Variants in TMCO5A observed in about 807,000 individuals in gnomAD.
The protein encoded by TMCO5A is transmembrane and coiled-coil domain-containing protein 5A.
TMCO5A carries 34 observed loss-of-function variants against 42.3 expected under a neutral mutation model. That is an observed-to-expected ratio of 0.80 (90% CI 0.61 to 1.07). The LOEUF is 1.07. TMCO5A is among the 50% of genes least tolerant of loss of function. TMCO5A has a pLI of 0.00. For synonymous variants in TMCO5A, 131 were observed against 115.6 expected (o/e 1.13, Z -0.86); for missense variants, 357 against 327.9 (o/e 1.09, Z -0.69).
chr15:37,962,250 C>T (rs1001727436), intron 11 of TMCO5A, among the ~76,000 whole-genome samples: 1 of 151,886 alleles, frequency 6.6e-6, no homozygotes, highest in Non-Finnish European at 1.5e-5. Flanking sequence ...AATCATAAAG[C>T]GATGCTGTAT....
At chr15:37,945,895 TTTGCTTTTGTTGCAA>T (rs920122008) in intron 10 of TMCO5A, among the ~76,000 whole-genome samples, 4 of 152,176 alleles carry the variant, frequency 2.6e-5, no homozygotes, top group African/African-American at 7.2e-5. Context: ...CTTGTCTAAT[TTTGCTTTTGTTGCAA>T]TTGCTTTTGG....
In TMCO5A at chr15:37,941,175, C is replaced by A. The variant is rs140698335; in HGVS notation, c.414C>A (p.Ser138=). 3.3e-4 allele frequency: 534 copies of A among 1,613,162 alleles called. 5 individuals are homozygous for A. In the East Asian group the frequency reaches 6.9e-3, roughly 21 times the overall value. The change falls in exon 7 of 12, where the codon TCC becomes TCA. Residue 138 remains serine (S), a synonymous_variant. Transcript: ENST00000319669. ...TKVKLQQLEA[S]YACQEKELLK... Reference sequence around the variant, plus strand: ...TTAAGTTACAACAGCTGGAAGCTTCCTATGCATGCCAAGAGAAGGAGCTGC... The same window carrying A: ...TTAAGTTACAACAGCTGGAAGCTTCATATGCATGCCAAGAGAAGGAGCTGC...
At chr15:37,967,731 A>G (rs1476999145), downstream of TMCO5A, 1 of 152,220 alleles carries the variant, frequency 6.6e-6, no homozygotes, top group Non-Finnish European at 1.5e-5. Context: ...AATTAAAAAA[A>G]CTGGATATAT....
At chr15:38,022,250 A>C in the TMCO5A span, among the ~76,000 whole-genome samples, 1 of 152,242 alleles carries the variant, frequency 6.6e-6, no homozygotes, top group Non-Finnish European at 1.5e-5. Flanking sequence ...TTTGGAAGCA[A>C]CCAAGATGGC....
intron 11 of TMCO5A, among the ~76,000 whole-genome samples, chr15:37,950,719 G>A (rs1007279326): frequency 6.6e-6 from 1 of 152,090 alleles, no homozygotes; most frequent in Non-Finnish European, 1.5e-5. Flanking sequence ...CCTTGCTAGA[G>A]GGTTATAAGC....
chr15:37,973,676 T>TG, the TMCO5A span, among the ~76,000 whole-genome samples: 2 of 152,176 alleles, frequency 1.3e-5, no homozygotes, highest in Admixed American at 6.5e-5. Context: ...GCTGAGACTA[T>TG]GGGGTTTTCC....
chr15:37,969,582 G>A (rs1890634440), downstream of TMCO5A, among the ~76,000 whole-genome samples: 1 of 152,126 alleles, frequency 6.6e-6, no homozygotes, highest in Non-Finnish European at 1.5e-5. Flanking sequence ...AGGTTCAGGG[G>A]TACATGTGCT....
At chr15:37,970,247 T>A (rs1217589795), downstream of TMCO5A, among the ~76,000 whole-genome samples, 4 of 152,178 alleles carry the variant, frequency 2.6e-5, no homozygotes, top group African/African-American at 9.6e-5. Flanking sequence ...GGCCTCACAA[T>A]CATAATGGAA....
At chr15:38,013,752 A>G in the TMCO5A span, among the ~76,000 whole-genome samples, 1 of 152,210 alleles carries the variant, frequency 6.6e-6, no homozygotes, top group Non-Finnish European at 1.5e-5. Flanking sequence ...ACCAATCACT[A>G]AGATAATCTG....
At chr15:37,964,581 C>A (rs1411606435) in intron 11 of TMCO5A, among the ~76,000 whole-genome samples, 3 of 151,948 alleles carry the variant, frequency 2.0e-5, no homozygotes, top group African/African-American at 7.3e-5. Context: ...ACCATGATGA[C>A]CTGTCCCCAC....
At chr15:37,998,992 C>T in the TMCO5A span, among the ~76,000 whole-genome samples, 1 of 152,108 alleles carries the variant, frequency 6.6e-6, no homozygotes, top group Admixed American at 6.6e-5. Context: ...CCGCAACCTC[C>T]ACCTCCCAGG....
chr15:37,998,019 T>C, the TMCO5A span, among the ~76,000 whole-genome samples: 1 of 152,198 alleles, frequency 6.6e-6, no homozygotes, highest in Admixed American at 6.5e-5. Flanking sequence ...TGTTTATTCA[T>C]ATATTTTGCC....
chr15:37,958,691 C>G (rs1028500845), intron 11 of TMCO5A, among the ~76,000 whole-genome samples: 1 of 152,084 alleles, frequency 6.6e-6, no homozygotes, highest in Non-Finnish European at 1.5e-5. Context: ...TTATTTCAAC[C>G]ATTGTGGGAG....
At position 37,951,164 on chromosome 15, in the gene TMCO5A, C is replaced by A. The variant is rs753648554; in HGVS notation, c.797C>A (p.Thr266Asn). Reference sequence around the variant, plus strand: ...CTGCCCAAGGTACTGGGCAGGAGCACCTTGTGGAAGCTCAGATGCTTCTTC... The same window carrying A: ...CTGCCCAAGGTACTGGGCAGGAGCAACTTGTGGAAGCTCAGATGCTTCTTC... ...NVLPKVLGRS[T>N]LWKLRCFFFP... is the part of the protein sequence containing the mutation. The change falls in exon 12 of 12, where the codon ACC becomes AAC. Residue 266 changes from threonine (T) to asparagine (N), a missense_variant. Coordinates refer to ENST00000319669, the MANE Select transcript of TMCO5A (RefSeq NM_152453.4). 1.1e-5 allele frequency: 17 copies of A among 1,613,644 alleles called. No individual in the cohort carries two copies. Among genetic ancestry groups the A allele is most frequent in the African/African-American group, 8.0e-5 (6 of 74,890 alleles).
At chr15:38,009,734 G>C in the TMCO5A span, among the ~76,000 whole-genome samples, 3 of 152,284 alleles carry the variant, frequency 2.0e-5, no homozygotes, top group African/African-American at 7.2e-5. Context: ...CCACTAAATA[G>C]CTGTGTGACC....
chr15:37,938,335 C>T (rs1889604871), intron 6 of TMCO5A, 106 bp downstream of exon 6: 2 of 959,328 alleles, frequency 2.1e-6, no homozygotes, highest in Non-Finnish European at 1.6e-6. Flanking sequence ...TGGTAGTTTT[C>T]CTCCATGTCA....
chr15:37,978,019 C>G, the TMCO5A span, among the ~76,000 whole-genome samples: 775 of 152,252 alleles, frequency 5.1e-3, 3 homozygotes, highest in Non-Finnish European at 8.4e-3. Context: ...CTGAAGTCAG[C>G]AAGGGCAGTA....
At chr15:38,004,475 C>A in the TMCO5A span, among the ~76,000 whole-genome samples, 1 of 152,234 alleles carries the variant, frequency 6.6e-6, no homozygotes, top group Non-Finnish European at 1.5e-5. Flanking sequence ...GTGCTTGTGG[C>A]TTAGACTGCC....
At chr15:38,015,771 CT>C in the TMCO5A span, among the ~76,000 whole-genome samples, 372 of 152,244 alleles carry the variant, frequency 2.4e-3, 1 homozygote, top group African/African-American at 8.2e-3. Context: ...ATGGAGGAAT[CT>C]TCAACATATA....
Sources: gnomAD v4.1 joint callset for allele counts (sites outside exome capture counted in the v4.1 genomes callset) on GRCh38, gnomAD v4.1.1 for gene constraint, MANE v1.5 for transcripts, NCBI Gene and HGNC (gene_info 2026-07-23, HGNC 2026-07-21) for gene names.